GALNT9: variants seen among roughly 807,000 people sequenced by gnomAD.
The protein encoded by GALNT9 is polypeptide N-acetylgalactosaminyltransferase 9.
GALNT9 carries 47 observed loss-of-function variants against 63.1 expected under a neutral mutation model. That is an observed-to-expected ratio of 0.75 (90% CI 0.59 to 0.95). The LOEUF (loss-of-function observed/expected upper bound fraction) is 0.95, where lower values mean the gene tolerates loss of function less well. Ranked by LOEUF, GALNT9 falls within the 40% of genes least tolerant of loss-of-function variation. The probability of loss-of-function intolerance (pLI) is 0.00; values close to 1 mark genes in which losing one functional copy is unlikely to be tolerated. For synonymous variants in GALNT9, 396 were observed against 365.7 expected, an observed-to-expected ratio of 1.08 and a Z score of -0.94; for missense variants, 829 against 874.8, an observed-to-expected ratio of 0.95 and a Z score of 0.66.
At chr12:132,198,618 G>A (rs923335166) in intron 9 of GALNT9, among the ~76,000 whole-genome samples, 10 of 152,160 alleles carry the variant, frequency 6.6e-5, no homozygotes, top group African/African-American at 1.9e-4. Flanking sequence ...ACTGAGGGGG[G>A]AGTGATGCAC....
At chr12:132,326,617 C>T (rs1252144902) in intron 1 of GALNT9, among the ~76,000 whole-genome samples, 3 of 152,238 alleles carry the variant, frequency 2.0e-5, no homozygotes, top group Non-Finnish European at 4.4e-5. Context: ...CCCCTCCCAG[C>T]CAGCAGAGGA....
chr12:132,281,282 C>T lies in GALNT9; in HGVS notation c.419+4968G>A, dbSNP rs369151000. ...TCCCTGTGATACATTCCGCAGGCAC[C>T]GGGGAAGCTCCAGGCTGGGCGTGGA... On this transcript the variant is annotated intron_variant, in intron 2 of 10. Transcript: ENST00000328957. 1.3e-4 allele frequency among the ~76,000 whole-genome samples: 20 copies of T among 152,278 alleles called. No homozygotes were observed. In the East Asian group the frequency reaches 3.9e-3, roughly 29 times the overall value.
intron 5 of GALNT9, among the ~76,000 whole-genome samples, chr12:132,249,865 A>G (rs2135536019): frequency 6.6e-6 from 1 of 152,298 alleles, no homozygotes; most frequent in Middle Eastern, 3.4e-3. Context: ...CCGTGGTGAC[A>G]GCCTCCCCTC....
At chr12:132,302,544 T>C (rs1881338744) in intron 1 of GALNT9, among the ~76,000 whole-genome samples, 1 of 152,234 alleles carries the variant, frequency 6.6e-6, no homozygotes, top group East Asian at 1.9e-4. Flanking sequence ...GAGCGTCTGC[T>C]AAATTCCAAG....
In GALNT9 at chr12:132,276,941, G is replaced by A. The variant is rs114645828; in HGVS notation, c.419+9309C>T. On this transcript the variant is annotated intron_variant, in intron 2 of 10. Coordinates refer to ENST00000328957, the MANE Select transcript of GALNT9 (RefSeq NM_001122636.2). ...GTCCACACATGCACACACATCTGTG[G>A]ACACACACACACATGTACATACATC... Among the ~76,000 whole-genome samples, 985 of 151,796 alleles carry A rather than the reference G, an allele frequency of 6.5e-3. 11 individuals carry two copies. Among genetic ancestry groups the A allele is most frequent in the African/African-American group, 0.023 (947 of 41,380 alleles).
At chr12:132,237,814 C>G (rs146888905) in intron 6 of GALNT9, among the ~76,000 whole-genome samples, 2,586 of 152,316 alleles carry the variant, frequency 0.017, 26 homozygotes, top group Middle Eastern at 0.037. Context: ...GCGCTTGACC[C>G]GAGCGGACAG....
intron 3 of GALNT9, among the ~76,000 whole-genome samples, 161 bp downstream of exon 3, chr12:132,262,298 A>C (rs1346638709): frequency 6.6e-6 from 1 of 152,168 alleles, no homozygotes; most frequent in African/African-American, 2.4e-5. Flanking sequence ...GCCATGACAG[A>C]GGCTGGAAGG....
intron 1 of GALNT9, among the ~76,000 whole-genome samples, chr12:132,303,582 C>G (rs71470385): frequency 0.043 from 2,229 of 52,270 alleles, 194 homozygotes; most frequent in African/African-American, 0.087. Context: ...CCCGGGCACA[C>G]CCTCGCCCGG....
chr12:132,240,310 C>A (rs1384129626), intron 6 of GALNT9, among the ~76,000 whole-genome samples: 2 of 152,142 alleles, frequency 1.3e-5, no homozygotes, highest in African/African-American at 4.8e-5. Flanking sequence ...TAGCCCCGGC[C>A]CGGCTCTGGC....
At chr12:132,293,863 G>A (rs1042790037) in intron 1 of GALNT9, among the ~76,000 whole-genome samples, 26 of 152,042 alleles carry the variant, frequency 1.7e-4, no homozygotes, top group South Asian at 6.3e-4. Context: ...GGGCCAGAAC[G>A]AGAAGCCGGG....
chr12:132,223,143 A>C, intron 6 of GALNT9, among the ~76,000 whole-genome samples: 1 of 16,202 alleles, frequency 6.2e-5, no homozygotes, highest in African/African-American at 1.5e-4. Flanking sequence ...CCCCACACAC[A>C]CACCACACAA....
At chr12:132,328,099 G>A (rs1425097107) in intron 1 of GALNT9, among the ~76,000 whole-genome samples, 3 of 152,166 alleles carry the variant, frequency 2.0e-5, no homozygotes, top group Non-Finnish European at 4.4e-5. Context: ...CCTTCCTGGC[G>A]CCCCGGTGCA....
At chr12:132,227,224 T>C (rs1877727753) in intron 6 of GALNT9, among the ~76,000 whole-genome samples, 2 of 152,156 alleles carry the variant, frequency 1.3e-5, no homozygotes, top group African/African-American at 4.8e-5. Context: ...CTGTGCCAGA[T>C]GGAACGGAGG....
rs2135533695 is a variant in GALNT9 at position 132,246,191 on chromosome 12, T to G, written c.1077+1719A>C. Among the ~76,000 whole-genome samples, 1 of 152,324 alleles carries G rather than the reference T, an allele frequency of 6.6e-6. No homozygotes were observed. Among genetic ancestry groups the G allele is most frequent in the African/African-American group, 2.4e-5 (1 of 41,580 alleles). Reference sequence around the variant, plus strand: ...TAACAATCACAGCAGTTAAGGGAAGTCAGAATATTAAAGAACCTGCCAGAT... The same window carrying G: ...TAACAATCACAGCAGTTAAGGGAAGGCAGAATATTAAAGAACCTGCCAGAT... On this transcript the variant is annotated intron_variant, in intron 6 of 10. Coordinates refer to ENST00000328957, the MANE Select transcript of GALNT9 (RefSeq NM_001122636.2). This position sits in a 1 kb window ranked among gnomAD's most constrained non-coding sequence, Gnocchi z 4.7.
At chr12:132,308,493 A>T (rs1881694196) in intron 1 of GALNT9, among the ~76,000 whole-genome samples, 1 of 151,932 alleles carries the variant, frequency 6.6e-6, no homozygotes, top group Non-Finnish European at 1.5e-5. Flanking sequence ...TGGTGCCTGC[A>T]CCTACCGGGT....
intron 6 of GALNT9, among the ~76,000 whole-genome samples, chr12:132,221,658 C>CACAAA (rs1877456679): frequency 1.3e-5 from 1 of 79,634 alleles, no homozygotes; most frequent in Non-Finnish European, 2.2e-5. Context: ...GAGACGTTCT[C>CACAAA]AAAAAAAAAA....
chr12:132,259,175 G>A lies in GALNT9; in HGVS notation c.762-1289C>T, dbSNP rs559461108. Among the ~76,000 whole-genome samples, 8 of 152,338 alleles carry A rather than the reference G, an allele frequency of 5.3e-5. No individual in the cohort carries two copies. In the South Asian group the frequency reaches 1.7e-3, roughly 32 times the overall value. ...TTCTAATAAGGCAGAATCCTTTGTG[G>A]AGACAGTTACGGGAGGGGGTGCTAT... is the stretch of plus-strand genomic sequence containing the variant. On this transcript the variant is annotated intron_variant, in intron 4 of 10. Transcript: ENST00000328957.
intron 2 of GALNT9, among the ~76,000 whole-genome samples, chr12:132,276,949 C>T (rs1218819955): frequency 6.6e-6 from 1 of 152,090 alleles, no homozygotes; most frequent in African/African-American, 2.4e-5. Flanking sequence ...TGGACACACA[C>T]ACACATGTAC....
intron 1 of GALNT9, among the ~76,000 whole-genome samples, chr12:132,297,887 C>T (rs1291457193): frequency 1.3e-5 from 2 of 151,948 alleles, no homozygotes; most frequent in South Asian, 2.1e-4. Flanking sequence ...CCCGAGATAA[C>T]CAATTCACTC....
Sources: gnomAD v4.1 joint callset for allele counts (sites outside exome capture counted in the v4.1 genomes callset) on GRCh38, gnomAD v4.1.1 for gene constraint, Gnocchi (gnomAD v3.1) non-coding constraint, MANE v1.5 for transcripts, NCBI Gene and HGNC (gene_info 2026-07-23, HGNC 2026-07-21) for gene names.